The following MYBL1 variants were observed in gnomAD, a reference collection of about 807,000 sequenced individuals.
MYBL1 encodes myb-related protein A.
A neutral mutation model predicts 96.3 loss-of-function variants in MYBL1; 17 were observed. The ratio of observed to expected loss-of-function variants is 0.18; its 90% CI spans 0.12 to 0.26. The LOEUF is 0.26. Among genes scored for constraint, MYBL1 ranks in the 10% least tolerant of loss-of-function variants. The pLI, the probability that MYBL1 is intolerant of heterozygous loss-of-function variation, is 1.00. For missense variants in MYBL1, 701 were observed against 882.9 expected, an observed-to-expected ratio of 0.79 and a Z score of 2.61; for synonymous variants, 282 against 292.7, an observed-to-expected ratio of 0.96 and a Z score of 0.37.
At chr8:66,611,292 G>A (rs1377338186) in intron 1 of MYBL1, among the ~76,000 whole-genome samples, 1 of 152,028 alleles carries the variant, frequency 6.6e-6, no homozygotes, top group Non-Finnish European at 1.5e-5. Context: ...ATATTCAATT[G>A]TCATCTTATT....
chr8:66,579,474 T>C (rs1002155708), intron 9 of MYBL1, among the ~76,000 whole-genome samples: 7 of 151,808 alleles, frequency 4.6e-5, no homozygotes, highest in African/African-American at 1.7e-4. Context: ...CTGGCCAACA[T>C]GATGAAACCC....
chr8:66,569,823 T>A (rs1808659607), intron 12 of MYBL1, among the ~76,000 whole-genome samples: 1 of 152,246 alleles, frequency 6.6e-6, no homozygotes, highest in Non-Finnish European at 1.5e-5. Flanking sequence ...ATTTAATACT[T>A]TTCAGGTTTG....
At chr8:66,599,862 G>A (rs1216196350) in intron 3 of MYBL1, among the ~76,000 whole-genome samples, 1 of 151,940 alleles carries the variant, frequency 6.6e-6, no homozygotes, top group African/African-American at 2.4e-5. Flanking sequence ...TAGTTCAGCA[G>A]TACCTAACTA....
chr8:66,577,294 G>T (rs1161614551), intron 9 of MYBL1, among the ~76,000 whole-genome samples: 3 of 149,572 alleles, frequency 2.0e-5, no homozygotes, highest in African/African-American at 7.4e-5. Context: ...AATTGTCCCT[G>T]TTTGCAGATG....
In MYBL1 at chr8:66,597,470, C is replaced by T. The variant is rs776588808; in HGVS notation, c.372G>A (p.Gln124=). Reference sequence around the variant, plus strand: ...GATGATTATGCCATCTTTCTCTACACTGCTTGCCTATTCTTCCTTTTAAAT... The same window carrying T: ...GATGATTATGCCATCTTTCTCTACATTGCTTGCCTATTCTTCCTTTTAAAT... ...AKHLKGRIGK[Q]CRERWHNHLN... is the part of the protein sequence containing the mutation. Residue 124 remains glutamine, a synonymous_variant, in exon 5 of 16, where the codon CAG becomes CAA. Coordinates refer to ENST00000522677, the MANE Select transcript of MYBL1 (RefSeq NM_001080416.4). 2 of 1,613,380 alleles carry T rather than the reference C, an allele frequency of 1.2e-6. No homozygotes were observed.
chr8:66,587,495 C>T (rs181993213), intron 8 of MYBL1, among the ~76,000 whole-genome samples: 1 of 152,186 alleles, frequency 6.6e-6, no homozygotes, highest in Admixed American at 6.5e-5. Context: ...GAAATGTACA[C>T]TAGGCAATTT....
chr8:66,573,328 C>T (rs1808809044), intron 11 of MYBL1, 36 bp downstream of exon 11: 1 of 1,560,232 alleles, frequency 6.4e-7, no homozygotes, highest in Admixed American at 1.9e-5. Context: ...CTGTGCTCCC[C>T]ATTTTCTCTA....
At chr8:66,580,992 C>G (rs990113162) in intron 8 of MYBL1, among the ~76,000 whole-genome samples, 1 of 151,870 alleles carries the variant, frequency 6.6e-6, no homozygotes, top group Non-Finnish European at 1.5e-5. Flanking sequence ...TCCCGGGTAG[C>G]TGGGATTACA....
At chr8:66,593,492 ATATT>A (rs1809732962) in intron 6 of MYBL1, among the ~76,000 whole-genome samples, 1 of 152,190 alleles carries the variant, frequency 6.6e-6, no homozygotes, top group African/African-American at 2.4e-5. Context: ...TTCACCAAAT[ATATT>A]TAAACATCTA....
chr8:66,606,918 G>A (rs1223977652), intron 1 of MYBL1, among the ~76,000 whole-genome samples: 1 of 151,966 alleles, frequency 6.6e-6, no homozygotes, highest in African/African-American at 2.4e-5. Flanking sequence ...AGCCTCCCAG[G>A]TAGAAGGAAT....
intron 12 of MYBL1, among the ~76,000 whole-genome samples, chr8:66,570,377 A>G (rs1586552681): frequency 1.3e-5 from 2 of 149,394 alleles, no homozygotes; most frequent in African/African-American, 2.5e-5. Context: ...TGGCTTCATC[A>G]CCACTCACTG....
intron 9 of MYBL1, among the ~76,000 whole-genome samples, chr8:66,577,856 G>A (rs1809029958): frequency 6.6e-6 from 1 of 152,120 alleles, no homozygotes; most frequent in Non-Finnish European, 1.5e-5. Flanking sequence ...AACCAAAACA[G>A]CATGGTACTG....
At chr8:66,586,923 T>C (rs958052175) in intron 8 of MYBL1, among the ~76,000 whole-genome samples, 1 of 151,918 alleles carries the variant, frequency 6.6e-6, no homozygotes, top group African/African-American at 2.4e-5. Flanking sequence ...TTATGTTAAA[T>C]GAAATAAGCC....
chr8:66,572,918 T>A (rs1808791636), intron 11 of MYBL1, among the ~76,000 whole-genome samples: 1 of 150,404 alleles, frequency 6.6e-6, no homozygotes, highest in Admixed American at 6.6e-5. Flanking sequence ...GGTTATGATT[T>A]AAAAAAAAAA....
intron 8 of MYBL1, among the ~76,000 whole-genome samples, chr8:66,588,277 C>CT (rs1164357937): frequency 0.038 from 4,957 of 128,800 alleles, 138 homozygotes; most frequent in Middle Eastern, 0.081. Context: ...ATGTGAATCT[C>CT]TTTTTTTTTT....
At chr8:66,576,707 A>G (rs1808965555) in intron 9 of MYBL1, among the ~76,000 whole-genome samples, 1 of 152,242 alleles carries the variant, frequency 6.6e-6, no homozygotes, top group Non-Finnish European at 1.5e-5. Flanking sequence ...CACATCAGGA[A>G]GACACCATCA....
chr8:66,575,362 C>T (rs112063649), intron 10 of MYBL1, among the ~76,000 whole-genome samples: 2,239 of 152,248 alleles, frequency 0.015, 66 homozygotes, highest in African/African-American at 0.051. Flanking sequence ...GTCAGGAAAC[C>T]GGATCTTAGT....
At chr8:66,566,525 C>T (rs1175701454) in intron 14 of MYBL1, among the ~76,000 whole-genome samples, 159 bp downstream of exon 14, 2 of 152,184 alleles carry the variant, frequency 1.3e-5, no homozygotes, top group African/African-American at 2.4e-5. Flanking sequence ...AAAATATTCT[C>T]TACAGTGAAT....
At chr8:66,594,920 C>A (rs1049076087) in intron 6 of MYBL1, among the ~76,000 whole-genome samples, 6 of 152,124 alleles carry the variant, frequency 3.9e-5, no homozygotes, top group Admixed American at 6.5e-5. Context: ...TGACAAGAAC[C>A]AAGAATTGCT....
Sources: gnomAD v4.1 joint callset for allele counts (sites outside exome capture counted in the v4.1 genomes callset) on GRCh38, gnomAD v4.1.1 for gene constraint, MANE v1.5 for transcripts, NCBI Gene and HGNC (gene_info 2026-07-23, HGNC 2026-07-21) for gene names.